The following PM20D1 variants were observed in gnomAD, a reference collection of about 807,000 sequenced individuals.
PM20D1 encodes the protein N-fatty-acyl-amino acid synthase/hydrolase PM20D1.
Under a neutral mutation model 53.8 loss-of-function variants are expected in PM20D1, and 53 were observed. The observed-to-expected ratio is 0.98, with a 90% CI of 0.79 to 1.24. The LOEUF (loss-of-function observed/expected upper bound fraction) is 1.24, where lower values mean the gene tolerates loss of function less well. Ranked by LOEUF, PM20D1 falls within the 50% of genes most tolerant of loss-of-function variation. The pLI is 0.00. For synonymous variants in PM20D1, 239 were observed against 241.3 expected, an observed-to-expected ratio of 0.99 and a Z score of 0.09; for missense variants, 564 against 616.8, an observed-to-expected ratio of 0.91 and a Z score of 0.91.
chr1:205,836,265 C>T (rs1656684943), intron 10 of PM20D1, among the ~76,000 whole-genome samples: 1 of 152,156 alleles, frequency 6.6e-6, no homozygotes, highest in South Asian at 2.1e-4. Flanking sequence ...GTGAACGGTA[C>T]AGCTGTTGAA....
chr1:205,849,957 A>T lies in PM20D1; in HGVS notation c.116T>A (p.Ile39Asn), dbSNP rs780382315. ...TTCCTCTTTGCTGAACTGAGAAGGG[A>T]TTCGCGACGCCCTTTGATGCTCCCC... ...RSGEHQRASR[I>N]PSQFSKEERV... The change falls in exon 1 of 13, where the codon ATC becomes AAC. Residue 39 changes from isoleucine (I) to asparagine (N), a missense_variant. By Grantham distance (149) the Ile-to-Asn change is moderately radical. Coordinates refer to ENST00000367136, the MANE Select transcript of PM20D1 (RefSeq NM_152491.5). The T allele has an allele frequency of 3.1e-6, 5 of 1,613,864 alleles. No individual in the cohort carries two copies. In the East Asian group the frequency reaches 1.1e-4, roughly 36 times the overall value.
chr1:205,843,754 A>G lies in PM20D1; in HGVS notation c.740T>C (p.Leu247Pro), dbSNP rs1387041199. 6.2e-7 allele frequency: 1 copy of G among 1,614,012 alleles called. No individual in the cohort carries two copies. Among genetic ancestry groups the G allele is most frequent in the Non-Finnish European group, 8.5e-7 (1 of 1,180,024 alleles). Residue 247 changes from leucine to proline, a missense_variant, in exon 6 of 13, where the codon CTC becomes CCC. By Grantham distance (98) the Leu-to-Pro change is moderately conservative (BLOSUM62 -3). Transcript: ENST00000367136. ...IAVSEKGSMN[L>P]MLQVNMTSGH... ...TGAAGTCATGTTTACTTGCAGCATG[A>G]GGTTCATGGAACCCTTCTCTGAGAC...
chr1:205,844,341 G>T, intron 4 of PM20D1, 124 bp from the exon 5 acceptor site: 1 of 1,176,678 alleles, frequency 8.5e-7, no homozygotes, highest in Non-Finnish European at 1.1e-6. Context: ...TCTCCTTCCT[G>T]GGAGCCAGGG....
intron 3 of PM20D1, 83 bp from the exon 4 acceptor site, chr1:205,844,980 G>A (rs1656915778): frequency 1.2e-5 from 14 of 1,194,432 alleles, no homozygotes; most frequent in African/African-American, 3.0e-5. Context: ...TCAGTTGCCT[G>A]TTATCAGGGC....
At position 205,842,143 on chromosome 1, in the gene PM20D1, T is replaced by G. The variant is rs756303849; in HGVS notation, c.965+11A>C. 1 of 1,605,716 alleles carries G rather than the reference T, an allele frequency of 6.2e-7. No homozygotes were observed. The highest frequency in any genetic ancestry group is 8.5e-7 in the Non-Finnish European group (1 of 1,172,422). ...GTGAGGGATGTGAAAAAAGGAAAGATAATACTTTACCTGCTTATAAGTGGT... is the reference window on the plus strand; with the variant it reads ...GTGAGGGATGTGAAAAAAGGAAAGAGAATACTTTACCTGCTTATAAGTGGT... On this transcript the variant is annotated intron_variant, in intron 8 of 12. Transcript: ENST00000367136.
At chr1:205,849,048 G>A (rs1331699202) in intron 1 of PM20D1, among the ~76,000 whole-genome samples, 3 of 152,192 alleles carry the variant, frequency 2.0e-5, no homozygotes, top group African/African-American at 7.2e-5. Context: ...CTGCCTCCCA[G>A]GCTTGTCACT....
intron 12 of PM20D1, 45 bp downstream of exon 12, chr1:205,830,235 T>C (rs376670829): frequency 4.3e-5 from 59 of 1,365,648 alleles, no homozygotes; most frequent in Non-Finnish European, 5.2e-5. Context: ...ACACATCAAG[T>C]GTATTTCTTT....
chr1:205,845,887 G>A (rs930654339), intron 2 of PM20D1, among the ~76,000 whole-genome samples: 2 of 151,316 alleles, frequency 1.3e-5, no homozygotes, highest in African/African-American at 2.4e-5. Flanking sequence ...GTTCCAGACC[G>A]GCCTGGCCAA....
chr1:205,833,762 G>A (rs1656617829), intron 10 of PM20D1, among the ~76,000 whole-genome samples: 1 of 152,098 alleles, frequency 6.6e-6, no homozygotes, highest in Admixed American at 6.5e-5. Context: ...TTGTTCAGTA[G>A]TTGCTTTAAA....
At chr1:205,834,460 A>G (rs1181348299) in intron 10 of PM20D1, among the ~76,000 whole-genome samples, 3 of 152,166 alleles carry the variant, frequency 2.0e-5, no homozygotes, top group Non-Finnish European at 2.9e-5. Flanking sequence ...CCCGGCCCCA[A>G]GAGTACCTCT....
intron 11 of PM20D1, 118 bp downstream of exon 11, chr1:205,832,480 G>A: frequency 9.1e-7 from 1 of 1,102,676 alleles, no homozygotes; most frequent in Admixed American, 2.3e-5. Flanking sequence ...TCATCAGGAG[G>A]GGAAGCAGCC....
intron 2 of PM20D1, among the ~76,000 whole-genome samples, chr1:205,845,885 C>A (rs1656945851): frequency 1.3e-5 from 2 of 151,866 alleles, no homozygotes; most frequent in Non-Finnish European, 2.9e-5. Context: ...GAGTTCCAGA[C>A]CGGCCTGGCC....
Position 205,832,650 on chromosome 1 carries a change from C to G in PM20D1, c.1233G>C (p.Leu411=), listed in dbSNP as rs1045788807. The change falls in exon 11 of 13, where the codon CTG becomes CTC. Residue 411 remains leucine (L), a synonymous_variant. Transcript: ENST00000367136. The part of the protein sequence containing the change: ...PSDDKALGYQ[L]LRQTVQSVFP... ...AGACGGACTGTACGGTCTGGCGGAGCAGCTGGTAGCCCAAGGCCTTGTCAT... is the reference window on the plus strand; with the variant it reads ...AGACGGACTGTACGGTCTGGCGGAGGAGCTGGTAGCCCAAGGCCTTGTCAT... 8 of 1,614,146 alleles carry G rather than the reference C, an allele frequency of 5.0e-6. No individual in the cohort carries two copies. Among genetic ancestry groups the G allele is most frequent in the Non-Finnish European group, 6.8e-6 (8 of 1,180,024 alleles).
At chr1:205,844,007 G>A (rs1656880480) in intron 5 of PM20D1, 80 bp downstream of exon 5, 1 of 1,539,438 alleles carries the variant, frequency 6.5e-7, no homozygotes, top group South Asian at 1.2e-5. Flanking sequence ...GTCTCAGCAT[G>A]GCTCACAGAT....
At position 205,842,717 on chromosome 1, in the gene PM20D1, T is replaced by C. The variant is rs1403165815; in HGVS notation, c.862A>G (p.Ser288Gly). 2 of 1,614,022 alleles carry C rather than the reference T, an allele frequency of 1.2e-6. No individual in the cohort carries two copies. Among genetic ancestry groups the C allele is most frequent in the African/African-American group, 2.7e-5 (2 of 74,928 alleles). The change falls in exon 7 of 13, where the codon AGC (serine) becomes GGC (glycine). Residue 288 changes from serine (S) to glycine (G), a missense_variant. Coordinates refer to ENST00000367136, the MANE Select transcript of PM20D1 (RefSeq NM_152491.5). Reference sequence around the variant, plus strand: ...TGCAATACAGTCACCACTGTCCCGCTTCCAAATATGATAGGCATTGGTGTC... The same window carrying C: ...TGCAATACAGTCACCACTGTCCCGCCTCCAAATATGATAGGCATTGGTGTC... ...EQTPMPIIFG[S>G]GTVVTVLQQL... is the part of the protein sequence containing the mutation.
At chr1:205,844,242 T>C (rs1188101440) in intron 4 of PM20D1, 25 bp from the exon 5 acceptor site, 2 of 1,579,408 alleles carry the variant, frequency 1.3e-6, no homozygotes, top group Non-Finnish European at 1.7e-6. Context: ...CATAGAGCTA[T>C]AGTCCTTCTC....
intron 6 of PM20D1, 91 bp downstream of exon 6, chr1:205,843,576 C>T: frequency 6.6e-7 from 1 of 1,506,472 alleles, no homozygotes; most frequent in Non-Finnish European, 8.9e-7. Context: ...AACTTTAGGG[C>T]AGGAAGCTTA....
intron 1 of PM20D1, among the ~76,000 whole-genome samples, chr1:205,848,930 A>G (rs1558096211): frequency 6.6e-6 from 1 of 152,310 alleles, no homozygotes; most frequent in Middle Eastern, 3.4e-3. Flanking sequence ...CTGTGTTGCT[A>G]TGAGGTCCCT....
At chr1:205,847,448 G>T (rs1401503526) in intron 2 of PM20D1, among the ~76,000 whole-genome samples, 6 of 112,494 alleles carry the variant, frequency 5.3e-5, no homozygotes, top group East Asian at 2.4e-4. Context: ...GTTGTTGACT[G>T]CCTAGAGGCC....
Sources: gnomAD v4.1 joint callset for allele counts (sites outside exome capture counted in the v4.1 genomes callset) on GRCh38, gnomAD v4.1.1 for gene constraint, MANE v1.5 for transcripts, NCBI Gene and HGNC (gene_info 2026-07-23, HGNC 2026-07-21) for gene names.